RAD50: variants seen among roughly 807,000 people sequenced by gnomAD.
RAD50 encodes DNA repair protein RAD50.
RAD50 carries 132 observed loss-of-function variants against 168.8 expected under a neutral mutation model. The observed-to-expected ratio is 0.78, with a 90% CI of 0.68 to 0.90. The LOEUF (loss-of-function observed/expected upper bound fraction) is 0.90, where lower values mean the gene tolerates loss of function less well. Among genes scored for constraint, RAD50 ranks in the 40% least tolerant of loss-of-function variants. The probability of loss-of-function intolerance (pLI) is 0.00; values close to 1 mark genes in which losing one functional copy is unlikely to be tolerated. For missense variants in RAD50, 1,347 were observed against 1,534.4 expected (o/e 0.88, Z 2.04); for synonymous variants, 525 against 497.4 (o/e 1.06, Z -0.74).
chr5:132,607,607 T>G (rs1445575643), intron 16 of RAD50, among the ~76,000 whole-genome samples: 1 of 152,210 alleles, frequency 6.6e-6, no homozygotes, highest in African/African-American at 2.4e-5. Flanking sequence ...TGCATCTGTA[T>G]AATTTTTTAC....
At chr5:132,583,441 A>G (rs1165657019) in intron 5 of RAD50, among the ~76,000 whole-genome samples, 1 of 152,168 alleles carries the variant, frequency 6.6e-6, no homozygotes, top group East Asian at 1.9e-4. Context: ...ATGAGTTAGG[A>G]CATATGCATA....
chr5:132,581,186 T>C (rs1426552041), intron 5 of RAD50, among the ~76,000 whole-genome samples: 1 of 152,056 alleles, frequency 6.6e-6, no homozygotes, highest in Non-Finnish European at 1.5e-5. Context: ...CTGCAACCTC[T>C]GCCTCCCGGG....
At chr5:132,638,345 A>G in intron 23 of RAD50, 122 bp downstream of exon 23, 10 of 1,157,870 alleles carry the variant, frequency 8.6e-6, no homozygotes, top group Non-Finnish European at 1.3e-5. Flanking sequence ...TTGCTGCTAT[A>G]TAAAATGAAT....
At chr5:132,557,535 G>A in intron 1 of RAD50, 82 bp downstream of exon 1, 1 of 1,581,088 alleles carries the variant, frequency 6.3e-7, no homozygotes, top group Non-Finnish European at 8.7e-7. Context: ...ACTCTCCTTA[G>A]GAGCAGAAGC....
intron 2 of RAD50, among the ~76,000 whole-genome samples, chr5:132,573,119 G>A (rs1561633409): frequency 2.0e-5 from 3 of 152,120 alleles, no homozygotes; most frequent in South Asian, 2.1e-4. Flanking sequence ...TCCTTGTTTT[G>A]TAGGAAATAC....
intron 2 of RAD50, among the ~76,000 whole-genome samples, chr5:132,569,521 A>C (rs569702213): frequency 6.6e-6 from 1 of 151,934 alleles, no homozygotes; most frequent in African/African-American, 2.4e-5. Context: ...AGAAATACAC[A>C]AATCTGCAAG....
intron 21 of RAD50, among the ~76,000 whole-genome samples, chr5:132,623,489 C>A (rs940735740): frequency 6.6e-6 from 1 of 152,056 alleles, no homozygotes; most frequent in Non-Finnish European, 1.5e-5. Flanking sequence ...TCAAAACTAA[C>A]AATAACAGTA....
At chr5:132,558,718 C>CAAAAAA (rs35515008) in intron 1 of RAD50, among the ~76,000 whole-genome samples, 1 of 75,802 alleles carries the variant, frequency 1.3e-5, no homozygotes, top group Non-Finnish European at 2.5e-5. Context: ...TCTCCCCCCA[C>CAAAAAA]AAAAAAAAAA....
chr5:132,587,790 T>TA, intron 6 of RAD50, 100 bp downstream of exon 6: 1 of 1,566,420 alleles, frequency 6.4e-7, no homozygotes. Flanking sequence ...AAAAAACAAA[T>TA]ACAGATCTTG....
intron 21 of RAD50, among the ~76,000 whole-genome samples, chr5:132,636,211 G>T (rs1438915074): frequency 2.0e-5 from 3 of 152,134 alleles, no homozygotes; most frequent in Non-Finnish European, 4.4e-5. Context: ...TCATAAACCC[G>T]CTTCCAAAGA....
chr5:132,642,090 T>A, intron 24 of RAD50, 88 bp from the exon 25 acceptor site: 2 of 1,387,310 alleles, frequency 1.4e-6, no homozygotes, highest in Non-Finnish European at 2.0e-6. Flanking sequence ...CACAAGTTCA[T>A]GTGTCTGACA....
intron 2 of RAD50, among the ~76,000 whole-genome samples, chr5:132,575,454 T>G (rs1750377795): frequency 6.6e-6 from 1 of 152,160 alleles, no homozygotes; most frequent in Non-Finnish European, 1.5e-5. Context: ...ACAAACCAAA[T>G]CATTCTACCT....
chr5:132,637,512 CT>C (rs11420290), intron 22 of RAD50, among the ~76,000 whole-genome samples: 8 of 147,406 alleles, frequency 5.4e-5, no homozygotes, highest in East Asian at 3.9e-4. Flanking sequence ...AGAGGAAACT[CT>C]TTTTTTTTTC....
intron 3 of RAD50, 127 bp downstream of exon 3, chr5:132,576,055 A>AT (rs61187075): frequency 3.1e-5 from 31 of 999,632 alleles, no homozygotes; most frequent in Non-Finnish European, 4.0e-5. Context: ...TTTAGACTTT[A>AT]TTTTTTTAGA....
chr5:132,609,519 C>T (rs1751048732), intron 19 of RAD50, 123 bp downstream of exon 19: 14 of 1,454,882 alleles, frequency 9.6e-6, no homozygotes, highest in Admixed American at 2.2e-5. Flanking sequence ...TGGTGGCTCA[C>T]ACCTGTAATC....
intron 2 of RAD50, among the ~76,000 whole-genome samples, chr5:132,574,092 A>G (rs1206717505): frequency 1.3e-5 from 2 of 152,172 alleles, no homozygotes; most frequent in East Asian, 3.9e-4. Context: ...GTCTTCTCAC[A>G]GCTCCACTAG....
At chr5:132,570,475 T>C (rs1468560603) in intron 2 of RAD50, among the ~76,000 whole-genome samples, 1 of 152,268 alleles carries the variant, frequency 6.6e-6, no homozygotes, top group Non-Finnish European at 1.5e-5. Context: ...TCTGGATAAC[T>C]TGCTGCAGCT....
intron 20 of RAD50, among the ~76,000 whole-genome samples, chr5:132,617,060 A>G (rs558377585): frequency 3.1e-4 from 47 of 152,178 alleles, no homozygotes; most frequent in Non-Finnish European, 5.9e-4. Flanking sequence ...TGTATGCATT[A>G]TGCACACTTA....
rs1554099997 is a variant in RAD50, at chr5:132,619,885, T to TAA, written c.3389+1592_3389+1593insAA. Among the ~76,000 whole-genome samples the TAA allele has an allele frequency of 2.9e-3, 345 of 121,004 alleles. 4 individuals are homozygous for TAA. The highest frequency in any genetic ancestry group is 0.011 in the African/African-American group (320 of 28,508). 79.4% of individuals were successfully genotyped at this position (121,004 alleles called of 152,430 possible). On this transcript the variant is annotated intron_variant, in intron 21 of 24. Transcript: ENST00000378823. ...ATATATATAAAGATATATATATATA[T>TAA]AGAGAGAGAGAGAGAGAGATATATC...
Sources: gnomAD v4.1 joint callset for allele counts (sites outside exome capture counted in the v4.1 genomes callset) on GRCh38, gnomAD v4.1.1 for gene constraint, MANE v1.5 for transcripts, NCBI Gene and HGNC (gene_info 2026-07-23, HGNC 2026-07-21) for gene names.